Variants in SYT6 observed in about 807,000 individuals in gnomAD.
The protein encoded by SYT6 is synaptotagmin 6, also known as synaptotagmin-6.
Under a neutral mutation model 38.4 loss-of-function variants are expected in SYT6, and 24 were observed. The ratio of observed to expected loss-of-function variants is 0.62; its 90% CI spans 0.45 to 0.88. The LOEUF is 0.88. Among genes scored for constraint, SYT6 ranks in the 40% least tolerant of loss-of-function variants. The pLI, the probability that SYT6 is intolerant of heterozygous loss-of-function variation, is 0.00. For synonymous variants in SYT6, 265 were observed against 241.9 expected (o/e 1.10, Z -0.89); for missense variants, 611 against 621.0 (o/e 0.98, Z 0.17).
intron 4 of SYT6, among the ~76,000 whole-genome samples, chr1:114,100,282 G>A (rs1318554591): frequency 6.6e-6 from 1 of 152,196 alleles, no homozygotes; most frequent in African/African-American, 2.4e-5. Flanking sequence ...GATGTGCTGA[G>A]ACACCTTGTT....
Position 114,153,607 on chromosome 1 carries a change from T to TA in SYT6, c.163+2dup, listed in dbSNP as rs1376711420. 1 of 597,296 alleles carries TA rather than the reference T, an allele frequency of 1.7e-6. No individual in the cohort carries two copies. Among genetic ancestry groups the TA allele is most frequent in the East Asian group, 3.3e-5 (1 of 30,386 alleles). 37.0% of individuals were successfully genotyped at this position (597,296 alleles called of 1,614,324 possible). A position where few individuals can be genotyped will look rare whatever the true frequency, so the allele number is the denominator to read the frequency against. Reference sequence around the variant, plus strand: ...AGGGAGGGGGCCCTGGGTCTCCCGTTACCTGCGCCTGCCGCGCTGGGACTC... The same window carrying TA: ...AGGGAGGGGGCCCTGGGTCTCCCGTTAACCTGCGCCTGCCGCGCTGGGACTC... On this transcript the variant is annotated splice_region_variant and intron_variant, in intron 1 of 7. Transcript: ENST00000610222.
intron 2 of SYT6, 25 bp downstream of exon 2, chr1:114,139,590 G>C: frequency 6.2e-7 from 1 of 1,613,478 alleles, no homozygotes; most frequent in Non-Finnish European, 8.5e-7. Context: ...GTGGGGGTCA[G>C]GGAAGGGAGT....
intron 4 of SYT6, 63 bp downstream of exon 4, chr1:114,103,538 C>A (rs1250579667): frequency 1.9e-6 from 3 of 1,597,490 alleles, no homozygotes; most frequent in South Asian, 1.1e-5. Context: ...TCCTTCTCCC[C>A]GAACACCCTT....
intron 3 of SYT6, among the ~76,000 whole-genome samples, chr1:114,135,472 T>C (rs956482915): frequency 6.6e-6 from 1 of 151,720 alleles, no homozygotes; most frequent in Non-Finnish European, 1.5e-5. Flanking sequence ...ACAGTGTTCT[T>C]AGGAGGAGGA....
At chr1:114,101,734 T>C (rs1675980490) in intron 4 of SYT6, among the ~76,000 whole-genome samples, 1 of 152,178 alleles carries the variant, frequency 6.6e-6, no homozygotes, top group South Asian at 2.1e-4. Context: ...GGAGATCTAG[T>C]TCGAGAGGCT....
At chr1:114,117,610 CCT>C (rs1296858518) in intron 3 of SYT6, among the ~76,000 whole-genome samples, 1 of 152,204 alleles carries the variant, frequency 6.6e-6, no homozygotes, top group Non-Finnish European at 1.5e-5. Context: ...CTCTTTCTTC[CCT>C]CCCAGCCCTG....
intron 3 of SYT6, among the ~76,000 whole-genome samples, chr1:114,108,344 T>C (rs981244224): frequency 1.3e-5 from 2 of 152,218 alleles, no homozygotes; most frequent in Non-Finnish European, 2.9e-5. Flanking sequence ...CTCTACTTGA[T>C]GCAGTCACAT....
At chr1:114,101,382 C>T (rs72628774) in intron 4 of SYT6, among the ~76,000 whole-genome samples, 7,169 of 152,100 alleles carry the variant, frequency 0.047, 687 homozygotes, top group East Asian at 0.39. Flanking sequence ...TGATGCTCTA[C>T]GCAGCTGAGG....
In SYT6 at chr1:114,099,084, G is replaced by T. The variant is rs956693694; in HGVS notation, c.1364+10C>A. 2 of 1,608,250 alleles carry T rather than the reference G, an allele frequency of 1.2e-6. No individual in the cohort carries two copies. The highest frequency in any genetic ancestry group is 1.3e-5 in the African/African-American group (1 of 74,926). On this transcript the variant is annotated intron_variant, in intron 5 of 7. Transcript: ENST00000610222. ...GGGTAGAATTACGTCCCTCTAGGAC[G>T]CCTACCTACCGATCATAGTCCATGA...
At chr1:114,148,751 C>G (rs1679286693) in intron 1 of SYT6, among the ~76,000 whole-genome samples, 1 of 152,104 alleles carries the variant, frequency 6.6e-6, no homozygotes, top group Non-Finnish European at 1.5e-5. Context: ...TTTAACCTTT[C>G]TAGCCTCCCT....
intron 4 of SYT6, 99 bp downstream of exon 4, chr1:114,103,502 A>T: frequency 6.6e-7 from 1 of 1,521,096 alleles, no homozygotes; most frequent in Non-Finnish European, 8.9e-7. Flanking sequence ...TGGTGCTTCT[A>T]TTCTAAGAAT....
chr1:114,113,352 T>C (rs964592), intron 3 of SYT6, among the ~76,000 whole-genome samples: 96,295 of 151,642 alleles, frequency 0.64, 31,468 homozygotes, highest in African/African-American at 0.79. Flanking sequence ...TCAAGCTTTT[T>C]CTCTCCTCAC....
At chr1:114,139,003 A>T (rs1395722202) in intron 2 of SYT6, among the ~76,000 whole-genome samples, 1 of 152,198 alleles carries the variant, frequency 6.6e-6, no homozygotes, top group Non-Finnish European at 1.5e-5. Context: ...TTGAGTAAAT[A>T]CAATGCCTTA....
intron 6 of SYT6, among the ~76,000 whole-genome samples, chr1:114,094,722 A>G (rs761344719): frequency 6.6e-5 from 10 of 152,234 alleles, no homozygotes; most frequent in African/African-American, 1.7e-4. Flanking sequence ...AGATAAATAC[A>G]GAGGGCTTTG....
At chr1:114,139,527 C>T (rs1678721763) in intron 2 of SYT6, 88 bp downstream of exon 2, 2 of 1,543,008 alleles carry the variant, frequency 1.3e-6, no homozygotes, top group Non-Finnish European at 1.8e-6. Flanking sequence ...TATTTCTGGT[C>T]TGTGATCCCC....
At chr1:114,116,193 C>A (rs920625657) in intron 3 of SYT6, among the ~76,000 whole-genome samples, 1 of 152,200 alleles carries the variant, frequency 6.6e-6, no homozygotes, top group Non-Finnish European at 1.5e-5. Flanking sequence ...TGGCCTCAGC[C>A]CGTCATTTCT....
intron 3 of SYT6, among the ~76,000 whole-genome samples, chr1:114,127,217 T>G (rs773701257): frequency 6.6e-6 from 1 of 152,178 alleles, no homozygotes; most frequent in Non-Finnish European, 1.5e-5. Context: ...AAGGGTCACC[T>G]CTGCAGCAGG....
intron 7 of SYT6, among the ~76,000 whole-genome samples, chr1:114,092,964 C>T (rs1450763810): frequency 6.6e-6 from 1 of 152,144 alleles, no homozygotes; most frequent in Non-Finnish European, 1.5e-5. Context: ...GCTGAAGAGA[C>T]CCAGTACTGT....
intron 1 of SYT6, 48 bp from the exon 2 acceptor site, chr1:114,140,011 G>T: frequency 8.7e-7 from 1 of 1,154,224 alleles, no homozygotes; most frequent in Non-Finnish European, 1.2e-6. Context: ...GACAGAGGCG[G>T]GGAGAAGCGG....
Sources: gnomAD v4.1 joint callset for allele counts (sites outside exome capture counted in the v4.1 genomes callset) on GRCh38, gnomAD v4.1.1 for gene constraint, MANE v1.5 for transcripts, NCBI Gene and HGNC (gene_info 2026-07-23, HGNC 2026-07-21) for gene names.